The following SACS variants were observed in gnomAD, a reference collection of about 807,000 sequenced individuals.
SACS encodes sacsin.
A neutral mutation model predicts 348.0 loss-of-function variants in SACS; 197 were observed. That is an observed-to-expected ratio of 0.57 (90% CI 0.50 to 0.64). SACS has a LOEUF of 0.64. Among genes scored for constraint, SACS ranks in the 30% least tolerant of loss-of-function variants. SACS has a pLI of 0.00. For missense variants in SACS, 4,999 were observed against 5,360.8 expected (o/e 0.93, Z 2.11); for synonymous variants, 1,985 against 1,910.6 (o/e 1.04, Z -1.02).
At chr13:23,400,982 G>A (rs9507088) in intron 2 of SACS, among the ~76,000 whole-genome samples, 13,546 of 59,944 alleles carry the variant, frequency 0.23, 664 homozygotes, top group East Asian at 0.49. Context: ...AATAAAAAGC[G>A]TATCAAATAA....
At chr13:23,344,293 AC>A (rs1272192858) in intron 9 of SACS, among the ~76,000 whole-genome samples, 1 of 152,232 alleles carries the variant, frequency 6.6e-6, no homozygotes, top group Non-Finnish European at 1.5e-5. Flanking sequence ...AGATAATCTT[AC>A]CCAATAGCCT....
At chr13:23,346,039 C>G (rs1258967167) in intron 9 of SACS, among the ~76,000 whole-genome samples, 1 of 152,186 alleles carries the variant, frequency 6.6e-6, no homozygotes, top group Non-Finnish European at 1.5e-5. Context: ...CTGCCGTCAC[C>G]AACCGTAGCA....
rs537577531 is a variant in SACS at position 23,419,656 on chromosome 13, C to A, written c.-501-7916G>T. 2.0e-4 allele frequency among the ~76,000 whole-genome samples: 30 copies of A among 152,274 alleles called. No individual in the cohort carries two copies. The East Asian group carries it at 5.4e-3, about 27-fold the overall frequency. ...CATTCGAATCTGTGCGTCTTCTATG[C>A]AAAGCCTGTGGTGGGTCTTGCTCTC... On this transcript the variant is annotated intron_variant, in intron 1 of 9. Coordinates refer to ENST00000382292, the MANE Select transcript of SACS (RefSeq NM_014363.6).
rs754211850 is a variant in SACS, at chr13:23,341,437, T to C, written c.2439A>G (p.Thr813=). 3.1e-6 allele frequency: 5 copies of C among 1,614,042 alleles called. No individual in the cohort carries two copies. The South Asian group carries it at 4.4e-5, about 14-fold the overall frequency. Residue 813 remains threonine (T), a synonymous_variant, in exon 10 of 10, where the codon ACA becomes ACG. Coordinates refer to ENST00000382292, the MANE Select transcript of SACS (RefSeq NM_014363.6). ...IPRTILEEGQ[T]CVELIRLRIP... ...TCCTGAGTCTAATGAGTTCCACACATGTCTGACCTTCCTCTAGTATAGTTC... is the reference window on the plus strand; with the variant it reads ...TCCTGAGTCTAATGAGTTCCACACACGTCTGACCTTCCTCTAGTATAGTTC...
intron 4 of SACS, among the ~76,000 whole-genome samples, chr13:23,370,226 T>G (rs1175179747): frequency 6.6e-6 from 1 of 152,182 alleles, no homozygotes; most frequent in Admixed American, 6.5e-5. Flanking sequence ...CCTCACTCTA[T>G]CCCAATGGGA....
chr13:23,381,442 A>G (rs1872057176), intron 2 of SACS, among the ~76,000 whole-genome samples: 1 of 152,078 alleles, frequency 6.6e-6, no homozygotes, highest in South Asian at 2.1e-4. Context: ...GCGCGCACAC[A>G]CACACACAGG....
At chr13:23,348,804 A>G (rs1182621516) in intron 9 of SACS, among the ~76,000 whole-genome samples, 3 of 152,190 alleles carry the variant, frequency 2.0e-5, no homozygotes, top group Non-Finnish European at 4.4e-5. Flanking sequence ...CTATGAGAAA[A>G]TTTTCATGCA....
intron 1 of SACS, among the ~76,000 whole-genome samples, chr13:23,423,349 C>T (rs1211855390): frequency 6.6e-6 from 1 of 152,028 alleles, no homozygotes; most frequent in African/African-American, 2.4e-5. Context: ...GTTCCAAACA[C>T]ACATTTTTTA....
intron 1 of SACS, among the ~76,000 whole-genome samples, chr13:23,429,727 G>A (rs1874356645): frequency 6.6e-6 from 1 of 152,056 alleles, no homozygotes; most frequent in Non-Finnish European, 1.5e-5. Context: ...GGCTGCAAGA[G>A]GTTAAGTGTC....
At position 23,375,183 on chromosome 13, in the gene SACS, T is replaced by C. The variant is rs1272196981; in HGVS notation, c.107A>G (p.Glu36Gly). Residue 36 changes from glutamate (E) to glycine (G), a missense_variant, in exon 3 of 10, where the codon GAA becomes GGA. Glu to Gly is a moderately conservative substitution (Grantham distance 98). This residue lies in a region of SACS where 3,156 missense variants were observed against 3,380.1 expected (regional missense o/e 0.93). Transcript: ENST00000382292. ...LASWTVRDVKERIFAETGFPV... is the reference protein window; with the variant it reads ...LASWTVRDVKGRIFAETGFPV... ...GAAGCCAGTCTCCGCGAAGATACGTTCCTTCACATCGCGCACGGTCCAGGA... is the reference window on the plus strand; with the variant it reads ...GAAGCCAGTCTCCGCGAAGATACGTCCCTTCACATCGCGCACGGTCCAGGA... 4 of 1,506,000 alleles carry C rather than the reference T, an allele frequency of 2.7e-6. No homozygotes were observed. The highest frequency in any genetic ancestry group is 5.8e-5 in the East Asian group (2 of 34,586). The allele number at this position is 1,506,000 out of a possible 1,614,324, so 93.3% of individuals were successfully genotyped here.
chr13:23,341,292 G>A lies in SACS; in HGVS notation c.2584C>T (p.Pro862Ser). 2 of 1,613,320 alleles carry A rather than the reference G, an allele frequency of 1.2e-6. No individual in the cohort carries two copies. Among genetic ancestry groups the A allele is most frequent in the South Asian group, 2.2e-5 (2 of 90,906 alleles). The change falls in exon 10 of 10, where the codon CCG becomes TCG. Residue 862 changes from proline (P) to serine (S), a missense_variant. Coordinates refer to ENST00000382292, the MANE Select transcript of SACS (RefSeq NM_014363.6). ...GAATGAATATATTTTTTAATAAGCG[G>A]ATGTTGTATAGATGCATCTAATTTT... ...LKKLDASIQH[P>S]LIKKYIHSPL...
chr13:23,407,941 C>A (rs1873305543), intron 2 of SACS, among the ~76,000 whole-genome samples: 1 of 152,200 alleles, frequency 6.6e-6, no homozygotes, highest in African/African-American at 2.4e-5. Context: ...TGACATTCCC[C>A]CTTAGTAATT....
In SACS at chr13:23,335,921, G is replaced by A. The variant is rs776928430; in HGVS notation, c.7955C>T (p.Ala2652Val). Residue 2652 changes from alanine (A) to valine (V), a missense_variant, in exon 10 of 10, where the codon GCC (alanine) becomes GTC (valine). This residue lies in a region of SACS where 3,156 missense variants were observed against 3,380.1 expected (regional missense o/e 0.93). Transcript: ENST00000382292. The surrounding 1 kb of genome is among the most constrained non-coding windows in gnomAD (Gnocchi z 4.7). ...GGATGTGGCCCCTGGTGCATATCTG[G>A]CATGAGGATCAAAAATACACAGGAT... is the stretch of plus-strand genomic sequence containing the variant. ...NDILCIFDPHARYAPGATSIS... is the reference protein window; with the variant it reads ...NDILCIFDPHVRYAPGATSIS... 6.2e-7 allele frequency: 1 copy of A among 1,612,854 alleles called. No individual in the cohort carries two copies. Among genetic ancestry groups the A allele is most frequent in the Non-Finnish European group, 8.5e-7 (1 of 1,178,988 alleles).
intron 1 of SACS, among the ~76,000 whole-genome samples, chr13:23,414,582 T>C (rs1240026089): frequency 2.6e-5 from 4 of 152,208 alleles, no homozygotes; most frequent in East Asian, 3.8e-4. Context: ...TTCTGTAATG[T>C]AGAATATTAA....
chr13:23,413,524 GGACTT>G (rs1873581364), intron 1 of SACS, among the ~76,000 whole-genome samples: 1 of 152,084 alleles, frequency 6.6e-6, no homozygotes, highest in African/African-American at 2.4e-5. Flanking sequence ...GACCAGCTCC[GGACTT>G]CTTATTCTGC....
chr13:23,417,158 A>G (rs1446395190), intron 1 of SACS, among the ~76,000 whole-genome samples: 2 of 152,242 alleles, frequency 1.3e-5, no homozygotes, highest in Non-Finnish European at 2.9e-5. Flanking sequence ...AGGAATTTTA[A>G]GAAGAAAATC....
At chr13:23,430,872 C>T (rs1874408269) in intron 1 of SACS, among the ~76,000 whole-genome samples, 1 of 152,124 alleles carries the variant, frequency 6.6e-6, no homozygotes, top group Admixed American at 6.5e-5. Context: ...TGACAAAACC[C>T]AGAACCAACG....
Position 23,337,644 on chromosome 13 carries a change from T to C in SACS, c.6232A>G (p.Ile2078Val). ...TCAACTTTTTCATTTAGAACAAAGATCATTAAAGGATCTCTAAGTTCTGCT... is the reference window on the plus strand; with the variant it reads ...TCAACTTTTTCATTTAGAACAAAGACCATTAAAGGATCTCTAAGTTCTGCT... ...IEAELRDPLMIFVLNEKVDEF... is the reference protein window; with the variant it reads ...IEAELRDPLMVFVLNEKVDEF... The change falls in exon 10 of 10, where the codon ATC (isoleucine) becomes GTC (valine). Residue 2078 changes from isoleucine to valine, a missense_variant. Physicochemically the swap from Ile to Val is conservative, Grantham distance 29. Transcript: ENST00000382292. 2 of 1,613,718 alleles carry C rather than the reference T, an allele frequency of 1.2e-6. No homozygotes were observed. Among genetic ancestry groups the C allele is most frequent in the East Asian group, 4.5e-5 (2 of 44,868 alleles).
intron 2 of SACS, among the ~76,000 whole-genome samples, chr13:23,404,103 T>C (rs146706408): frequency 2.0e-3 from 311 of 152,352 alleles, no homozygotes; most frequent in African/African-American, 7.1e-3. Flanking sequence ...CACTGTGGTC[T>C]GAAAGACTGT....
Sources: gnomAD v4.1 joint callset for allele counts (sites outside exome capture counted in the v4.1 genomes callset) on GRCh38, gnomAD v4.1.1 for gene constraint, gnomAD v4.1.1 regional missense constraint, Gnocchi (gnomAD v3.1) non-coding constraint, MANE v1.5 for transcripts, NCBI Gene and HGNC (gene_info 2026-07-23, HGNC 2026-07-21) for gene names.